SLC10A6: variants seen among roughly 807,000 people sequenced by gnomAD.
The protein encoded by SLC10A6 is sodium-dependent organic anion transporter.
Under a neutral mutation model 30.0 loss-of-function variants are expected in SLC10A6, and 27 were observed. The ratio of observed to expected loss-of-function variants is 0.90; its 90% CI spans 0.66 to 1.24. The LOEUF is 1.24. Among genes scored for constraint, SLC10A6 ranks in the 50% most tolerant of loss-of-function variants. SLC10A6 has a pLI of 0.00. For synonymous variants in SLC10A6, 166 were observed against 173.8 expected, an observed-to-expected ratio of 0.95 and a Z score of 0.36; for missense variants, 439 against 457.0, an observed-to-expected ratio of 0.96 and a Z score of 0.36.
At chr4:86,828,478 C>T (rs894401127) in intron 3 of SLC10A6, among the ~76,000 whole-genome samples, 2 of 151,926 alleles carry the variant, frequency 1.3e-5, no homozygotes, top group African/African-American at 4.8e-5. Flanking sequence ...GTGGGTAGAA[C>T]AAAAGTGTAA....
At chr4:86,828,415 T>C (rs1043456242) in intron 3 of SLC10A6, among the ~76,000 whole-genome samples, 2 of 152,108 alleles carry the variant, frequency 1.3e-5, no homozygotes, top group African/African-American at 4.8e-5. Flanking sequence ...CATATCTACC[T>C]TTCTCTTCAA....
chr4:86,848,795 C>G lies in SLC10A6; in HGVS notation c.321G>C (p.Pro107=). ...AIAVLIMGCC[P]GGTISNIFTF... ...TGAAAATGTTAGAGATGGTGCCCCCCGGGCAGCAGCCCATGATGAGAACAG... is the reference window on the plus strand; with the variant it reads ...TGAAAATGTTAGAGATGGTGCCCCCGGGGCAGCAGCCCATGATGAGAACAG... Residue 107 remains proline, a synonymous_variant, in exon 1 of 6, where the codon CCG becomes CCC. Coordinates refer to ENST00000273905, the MANE Select transcript of SLC10A6 (RefSeq NM_197965.3). 3 of 1,612,760 alleles carry G rather than the reference C, an allele frequency of 1.9e-6. No individual in the cohort carries two copies. Among genetic ancestry groups the G allele is most frequent in the Non-Finnish European group, 2.5e-6 (3 of 1,179,410 alleles).
Position 86,837,281 on chromosome 4 carries a change from A to AAGAGAGAAAGAG in SLC10A6, c.378-3858_378-3857insCTCTTTCTCTCT, listed in dbSNP as rs1273692050. On this transcript the variant is annotated intron_variant, in intron 1 of 5. Transcript: ENST00000273905. ...AAAGAAAGAAAGAAAGAAAGAAAGA[A>AAGAGAGAAAGAG]AGAAAAAGAAAGGAAGGAAGGAAGG... 1.2e-4 allele frequency among the ~76,000 whole-genome samples: 11 copies of AAGAGAGAAAGAG among 90,376 alleles called. 4 individuals carry two copies. Among genetic ancestry groups the AAGAGAGAAAGAG allele is most frequent in the African/African-American group, 5.6e-4 (11 of 19,758 alleles). 59.3% of individuals were successfully genotyped at this position (90,376 alleles called of 152,430 possible).
At chr4:86,846,283 GT>G (rs1414835037) in intron 1 of SLC10A6, among the ~76,000 whole-genome samples, 1 of 151,922 alleles carries the variant, frequency 6.6e-6, no homozygotes, top group Non-Finnish European at 1.5e-5. Flanking sequence ...GTTTTTGCTT[GT>G]TTTTTTAGTT....
rs757647400 is a variant in SLC10A6 at position 86,831,819 on chromosome 4, C to T, written c.558G>A (p.Trp186Ter). The change falls in exon 3 of 6, where the codon TGG becomes TGA. Residue 186 changes from tryptophan (W) to a stop codon, truncating the protein, a stop_gained. Coordinates refer to ENST00000273905, the MANE Select transcript of SLC10A6 (RefSeq NM_197965.3). LOFTEE classifies it high-confidence loss of function. ...VAFGVYVNYR[W>*]PKQSKIILKI... ...TGAGAATGATTTTGGATTGTTTTGG[C>T]CATCTGTAATTCACATAGACACCAA... 1 of 1,613,294 alleles carries T rather than the reference C, an allele frequency of 6.2e-7. No homozygotes were observed. Among genetic ancestry groups the T allele is most frequent in the Admixed American group, 1.7e-5 (1 of 59,980 alleles).
intron 4 of SLC10A6, among the ~76,000 whole-genome samples, chr4:86,826,323 A>G (rs1189239168): frequency 6.6e-6 from 1 of 152,216 alleles, no homozygotes; most frequent in Non-Finnish European, 1.5e-5. Flanking sequence ...TCACGCCTGT[A>G]ATCTCAGCAC....
intron 3 of SLC10A6, among the ~76,000 whole-genome samples, chr4:86,831,366 G>A (rs1453932641): frequency 6.6e-6 from 1 of 152,186 alleles, no homozygotes; most frequent in African/African-American, 2.4e-5. Flanking sequence ...CCCCAGGAAT[G>A]CTTCTGCAAG....
In SLC10A6 at chr4:86,823,748, T is replaced by C. The variant is rs1560456999; in HGVS notation, c.1074A>G (p.Pro358=). The C allele has an allele frequency of 2.5e-6, 4 of 1,614,160 alleles. No individual in the cohort carries two copies. Among genetic ancestry groups the C allele is most frequent in the Non-Finnish European group, 2.5e-6 (3 of 1,180,010 alleles). The change falls in exon 6 of 6, where the codon CCA becomes CCG. Residue 358 remains proline (P), a synonymous_variant. Transcript: ENST00000273905. ...GAGCCCTGTGGCAATCCATTGGCCC[T>C]GGTGGCCCAGGAGTGATGGCACCTT... ...NEEGAITPGP[P]GPMDCHRALE... is the part of the protein sequence containing the mutation.
chr4:86,835,553 G>C (rs2149411934), intron 1 of SLC10A6, among the ~76,000 whole-genome samples: 1 of 152,226 alleles, frequency 6.6e-6, no homozygotes, highest in East Asian at 1.9e-4. Flanking sequence ...TGTAATCCCA[G>C]CTACTTGGTA....
In SLC10A6 at chr4:86,849,258, T is replaced by A. The variant is rs1746444808; in HGVS notation, c.-143A>T. The A allele has an allele frequency of 1.0e-6, 1 of 952,756 alleles. No homozygotes were observed. Among genetic ancestry groups the A allele is most frequent in the African/African-American group, 1.6e-5 (1 of 61,072 alleles). 59.0% of individuals were successfully genotyped at this position (952,756 alleles called of 1,614,324 possible). Reference sequence around the variant, plus strand: ...AACTGTTGGCCAGCAAGGTGATTCATCCTAATCTGATCAATTTTTTCACAA... The same window carrying A: ...AACTGTTGGCCAGCAAGGTGATTCAACCTAATCTGATCAATTTTTTCACAA... On this transcript the variant is annotated 5_prime_UTR_variant, in exon 1 of 6. It removes an upstream start codon present in the reference 5' UTR. Transcript: ENST00000273905.
At chr4:86,835,435 G>A (rs1395501429) in intron 1 of SLC10A6, among the ~76,000 whole-genome samples, 1 of 152,234 alleles carries the variant, frequency 6.6e-6, no homozygotes, top group Admixed American at 6.5e-5. Flanking sequence ...GGGAGGCCAA[G>A]GCGGGCAGAT....
intron 1 of SLC10A6, among the ~76,000 whole-genome samples, chr4:86,837,338 G>A (rs536068443): frequency 2.0e-5 from 3 of 150,110 alleles, no homozygotes; most frequent in African/African-American, 7.4e-5. Flanking sequence ...AGGAAGGAAG[G>A]AAGGAAGGCA....
intron 2 of SLC10A6, 54 bp from the exon 3 acceptor site, chr4:86,831,934 G>A: frequency 7.2e-7 from 1 of 1,391,182 alleles, no homozygotes. Context: ...TGACTGCACA[G>A]TACTTCCCAA....
rs73838347 is a variant in SLC10A6, at chr4:86,831,964, G to A, written c.497-84C>T. 0.015 allele frequency: 16,030 copies of A among 1,101,004 alleles called. 1,641 individuals carry two copies. The African/African-American group carries it at 0.22, about 15-fold the overall frequency. The allele number at this position is 1,101,004 out of a possible 1,614,324, so 68.2% of individuals were successfully genotyped here. On this transcript the variant is annotated intron_variant, in intron 2 of 5. Transcript: ENST00000273905. ...TCCCAACAACTTCTATTTCAATTAG[G>A]TAACAGCTTTAAACTGACATTTTCC...
At chr4:86,828,648 C>T (rs530393801) in intron 3 of SLC10A6, among the ~76,000 whole-genome samples, 3 of 152,134 alleles carry the variant, frequency 2.0e-5, no homozygotes, top group East Asian at 1.9e-4. Context: ...TGATCCCTGT[C>T]CTTCTCCCCT....
Position 86,849,052 on chromosome 4 carries a change from C to T in SLC10A6, c.64G>A (p.Val22Met). The T allele has an allele frequency of 6.2e-7, 1 of 1,614,192 alleles. No individual in the cohort carries two copies. Among genetic ancestry groups the T allele is most frequent in the Non-Finnish European group, 8.5e-7 (1 of 1,180,034 alleles). Residue 22 changes from valine (V) to methionine (M), a missense_variant, in exon 1 of 6, where the codon GTG becomes ATG. Coordinates refer to ENST00000273905, the MANE Select transcript of SLC10A6 (RefSeq NM_197965.3). ...AGGTTTCCATGCACCTCCAGTCCCA[C>T]TGGCAGCTCCTCCTCTGAACTGTTG... ...PANSSEEELP[V>M]GLEVHGNLEL...
At position 86,840,121 on chromosome 4, in the gene SLC10A6, G is replaced by A. The variant is rs1381075452; in HGVS notation, c.378-6697C>T. On this transcript the variant is annotated intron_variant, in intron 1 of 5. Coordinates refer to ENST00000273905, the MANE Select transcript of SLC10A6 (RefSeq NM_197965.3). Reference sequence around the variant, plus strand: ...TTTTAGTAGAGATGGGTTTTACCATGTTGGCCAAGCTGGTCTCGAACTCCG... The same window carrying A: ...TTTTAGTAGAGATGGGTTTTACCATATTGGCCAAGCTGGTCTCGAACTCCG... Among the ~76,000 whole-genome samples, 6 of 149,530 alleles carry A rather than the reference G, an allele frequency of 4.0e-5. No homozygotes were observed. In the East Asian group the frequency reaches 1.2e-3, roughly 29 times the overall value.
intron 3 of SLC10A6, 106 bp downstream of exon 3, chr4:86,831,686 T>G: frequency 1.2e-6 from 1 of 857,324 alleles, no homozygotes; most frequent in Admixed American, 2.0e-5. Context: ...AATTTCTGGG[T>G]GTGGGGCCGT....
intron 3 of SLC10A6, 133 bp from the exon 4 acceptor site, chr4:86,828,301 A>G: frequency 3.3e-6 from 3 of 919,884 alleles, no homozygotes; most frequent in Non-Finnish European, 4.7e-6. Context: ...ATGACTAAAT[A>G]CAATTTCATT....
Sources: gnomAD v4.1 joint callset for allele counts (sites outside exome capture counted in the v4.1 genomes callset) on GRCh38, gnomAD v4.1.1 for gene constraint, MANE v1.5 for transcripts, NCBI Gene and HGNC (gene_info 2026-07-23, HGNC 2026-07-21) for gene names.